Variants in RPS21 observed in about 807,000 individuals in gnomAD.
RPS21 encodes the protein ribosomal protein S21.
Under a neutral mutation model 14.5 loss-of-function variants are expected in RPS21, and 6 were observed. The ratio of observed to expected loss-of-function variants is 0.41; its 90% CI spans 0.23 to 0.82. The LOEUF is 0.82. Among genes scored for constraint, RPS21 ranks in the 40% least tolerant of loss-of-function variants. The pLI is 0.31. For missense variants in RPS21, 85 were observed against 115.0 expected (o/e 0.74, Z 1.19); for synonymous variants, 61 against 42.6 (o/e 1.43, Z -1.69).
intron 4 of RPS21, 34 bp downstream of exon 4, chr20:62,387,948 G>A (rs1406118677): frequency 3.8e-5 from 61 of 1,614,176 alleles, no homozygotes; most frequent in Non-Finnish European, 5.1e-5. Flanking sequence ...TCATCACTTC[G>A]GGACATCGTG....
chr20:62,387,544 C>T (rs1412300520), intron 2 of RPS21, 67 bp from the exon 3 acceptor site: 56 of 1,589,000 alleles, frequency 3.5e-5, no homozygotes, highest in Non-Finnish European at 4.3e-5. Flanking sequence ...TACCCCCAAC[C>T]TCCCTCGTCC....
At chr20:62,387,429 C>A (rs747478691) in intron 2 of RPS21, 41 bp downstream of exon 2, 32 of 1,604,890 alleles carry the variant, frequency 2.0e-5, no homozygotes, top group Non-Finnish European at 2.7e-5. Flanking sequence ...CCTTACCTAA[C>A]CACCACGTCC....
At chr20:62,388,113 C>G in intron 4 of RPS21, 196 bp from the exon 5 acceptor site, 2 of 1,509,436 alleles carry the variant, frequency 1.3e-6, no homozygotes, top group Non-Finnish European at 1.8e-6. Flanking sequence ...CTCTGCCTCT[C>G]ACTAGGAGGT....
In RPS21 at chr20:62,387,375, G is replaced by A; in HGVS notation, c.37G>A (p.Val13Met). The A allele has an allele frequency of 6.2e-7, 1 of 1,608,368 alleles. No homozygotes were observed. The highest frequency in any genetic ancestry group is 8.5e-7 in the Non-Finnish European group (1 of 1,177,642). Reference protein sequence around the residue: ...NDAGEFVDLYVPRKCSASNRI... With the variant: ...NDAGEFVDLYMPRKCSASNRI... The stretch of plus-strand genomic sequence containing the variant: ...CGCCGGCGAGTTCGTGGACCTGTAC[G>A]TGCCGCGGAAATGGTAAGCGCCCCC... The change falls in exon 2 of 6, where the codon GTG becomes ATG. Residue 13 changes from valine (V) to methionine (M), a missense_variant. Coordinates refer to ENST00000343986, the MANE Select transcript of RPS21 (RefSeq NM_001024.4).
At chr20:62,387,699 G>T (rs377707541) in intron 3 of RPS21, 25 bp downstream of exon 3, 8 of 1,614,000 alleles carry the variant, frequency 5.0e-6, no homozygotes, top group Non-Finnish European at 6.8e-6. Context: ...CGGGAGGCGG[G>T]AAGGTTGTGA....
Position 62,387,647 on chromosome 20 carries a change from C to T in RPS21, c.87C>T (p.His29=). Reference sequence around the variant, plus strand: ...ATCGCATCATCGGTGCCAAGGACCACGCATCCATCCAGATGAACGTGGCCG... The same window carrying T: ...ATCGCATCATCGGTGCCAAGGACCATGCATCCATCCAGATGAACGTGGCCG... ...ASNRIIGAKD[H]ASIQMNVAEV... is the part of the protein sequence containing the mutation. Residue 29 remains histidine, a synonymous_variant, in exon 3 of 6, where the codon CAC becomes CAT. Coordinates refer to ENST00000343986, the MANE Select transcript of RPS21 (RefSeq NM_001024.4). The T allele has an allele frequency of 5.0e-6, 8 of 1,614,040 alleles. No homozygotes were observed. The highest frequency in any genetic ancestry group is 5.9e-6 in the Non-Finnish European group (7 of 1,179,978).
chr20:62,388,482 G>A lies in RPS21; in HGVS notation c.*16G>A, dbSNP rs747194934. 6.2e-7 allele frequency: 1 copy of A among 1,612,278 alleles called. No homozygotes were observed. Among genetic ancestry groups the A allele is most frequent in the South Asian group, 1.1e-5 (1 of 91,058 alleles). ...GAACTTTTGACTGGAGAGAATCACA[G>A]ATGTGGAATATTTGTCATAAATAAA... On this transcript the variant is annotated 3_prime_UTR_variant, in exon 6 of 6. Transcript: ENST00000343986.
rs1987823099 is a variant in RPS21 at position 62,388,295 on chromosome 20, T to G, written c.187-14T>G. 1.9e-6 allele frequency: 3 copies of G among 1,584,278 alleles called. No individual in the cohort carries two copies. Among genetic ancestry groups the G allele is most frequent in the Non-Finnish European group, 2.6e-6 (3 of 1,172,584 alleles). ...GTGGAAATATTCTTAGTGTGCTTTTTTTTTTTTCTTAAGGGTGAGTCAGAT... is the reference window on the plus strand; with the variant it reads ...GTGGAAATATTCTTAGTGTGCTTTTGTTTTTTTCTTAAGGGTGAGTCAGAT... On this transcript the variant is annotated splice_polypyrimidine_tract_variant and intron_variant, in intron 4 of 5. Coordinates refer to ENST00000343986, the MANE Select transcript of RPS21 (RefSeq NM_001024.4).
chr20:62,387,598 C>A lies in RPS21; in HGVS notation c.51-13C>A, dbSNP rs548326658. 18 of 1,609,210 alleles carry A rather than the reference C, an allele frequency of 1.1e-5. No homozygotes were observed. Among genetic ancestry groups the A allele is most frequent in the Non-Finnish European group, 1.5e-5 (18 of 1,176,634 alleles). Reference sequence around the variant, plus strand: ...CCCAAGTCCCCTCTGCTCACTGCGCCCTTTCTCCACAGCTCCGCTAGCAAT... The same window carrying A: ...CCCAAGTCCCCTCTGCTCACTGCGCACTTTCTCCACAGCTCCGCTAGCAAT... On this transcript the variant is annotated splice_polypyrimidine_tract_variant and intron_variant, in intron 2 of 5. Coordinates refer to ENST00000343986, the MANE Select transcript of RPS21 (RefSeq NM_001024.4).
chr20:62,387,894 T>G lies in RPS21; in HGVS notation c.166T>G (p.Cys56Gly). 1 of 1,614,218 alleles carries G rather than the reference T, an allele frequency of 6.2e-7. No homozygotes were observed. Among genetic ancestry groups the G allele is most frequent in the South Asian group, 1.1e-5 (1 of 91,084 alleles). Residue 56 changes from cysteine (C) to glycine (G), a missense_variant, in exon 4 of 6, where the codon TGC (cysteine) becomes GGC (glycine). Physicochemically the swap from Cys to Gly is radical, Grantham distance 159. Transcript: ENST00000343986. ...FNGQFKTYAI[C>G]GAIRRMGESD... ...TGGCCAGTTTAAAACTTATGCTATC[T>G]GCGGGGCCATTCGTAGGATGGTGAG...
At chr20:62,387,939 C>G (rs759294101) in intron 4 of RPS21, 25 bp downstream of exon 4, 2 of 1,614,234 alleles carry the variant, frequency 1.2e-6, no homozygotes, top group Non-Finnish European at 1.7e-6. Context: ...GGGCTTTGCT[C>G]ATCACTTCGG....
At chr20:62,388,415 C>G in intron 5 of RPS21, 42 bp from the exon 6 acceptor site, 2 of 1,613,584 alleles carry the variant, frequency 1.2e-6, no homozygotes, top group Non-Finnish European at 1.7e-6. Context: ...AGGACTGCTC[C>G]AGAGGCGTGG....
intron 4 of RPS21, 110 bp from the exon 5 acceptor site, chr20:62,388,199 T>A: frequency 6.9e-7 from 1 of 1,459,742 alleles, no homozygotes; most frequent in Non-Finnish European, 9.2e-7. Flanking sequence ...TGCGCCTGTC[T>A]CCATTCGCTC....
chr20:62,387,166 A>C (rs1987757434), intron 1 of RPS21, 30 bp downstream of exon 1: 1 of 515,430 alleles, frequency 1.9e-6, no homozygotes, highest in Non-Finnish European at 3.3e-6. Flanking sequence ...CTTCGGGCTC[A>C]GGGCTGGGGC....
At position 62,388,209 on chromosome 20, in the gene RPS21, C is replaced by T. The variant is rs559750900; in HGVS notation, c.187-100C>T. 4 of 1,468,714 alleles carry T rather than the reference C, an allele frequency of 2.7e-6. No individual in the cohort carries two copies. In the South Asian group the frequency reaches 3.8e-5, roughly 14 times the overall value. 91.0% of individuals were successfully genotyped at this position (1,468,714 alleles called of 1,614,324 possible). A position where few individuals can be genotyped will look rare whatever the true frequency, so the allele number is the denominator to read the frequency against. On this transcript the variant is annotated intron_variant, in intron 4 of 5. Coordinates refer to ENST00000343986, the MANE Select transcript of RPS21 (RefSeq NM_001024.4). ...CCTTCTGCGCCTGTCTCCATTCGCTCAGCGGGGGAGAGACGTGGGCTGGTG... is the reference window on the plus strand; with the variant it reads ...CCTTCTGCGCCTGTCTCCATTCGCTTAGCGGGGGAGAGACGTGGGCTGGTG...
At chr20:62,388,074 G>GT in intron 4 of RPS21, 160 bp downstream of exon 4, 1 of 1,553,090 alleles carries the variant, frequency 6.4e-7, no homozygotes, top group Non-Finnish European at 8.7e-7. Flanking sequence ...TGGAAGAGGG[G>GT]TGCTCTGAGA....
At chr20:62,387,447 T>G in intron 2 of RPS21, 59 bp downstream of exon 2, 6 of 1,600,806 alleles carry the variant, frequency 3.7e-6, no homozygotes, top group Non-Finnish European at 5.1e-6. Context: ...TCCCCTCGCC[T>G]GCCCTTGTTC....
chr20:62,387,956 G>A (rs1368788551), intron 4 of RPS21, 42 bp downstream of exon 4: 3 of 1,614,214 alleles, frequency 1.9e-6, no homozygotes, highest in East Asian at 2.2e-5. Context: ...TCGGGACATC[G>A]TGGACTTTAC....
rs1987833557 is a variant in RPS21, at chr20:62,388,478, CA to C, written c.*13del. 6.2e-7 allele frequency: 1 copy of C among 1,612,524 alleles called. No individual in the cohort carries two copies. Among genetic ancestry groups the C allele is most frequent in the South Asian group, 1.1e-5 (1 of 91,066 alleles). On this transcript the variant is annotated 3_prime_UTR_variant, in exon 6 of 6. Coordinates refer to ENST00000343986, the MANE Select transcript of RPS21 (RefSeq NM_001024.4). Reference sequence around the variant, plus strand: ...CTAGGAACTTTTGACTGGAGAGAATCACAGATGTGGAATATTTGTCATAAAT... The same window carrying C: ...CTAGGAACTTTTGACTGGAGAGAATCCAGATGTGGAATATTTGTCATAAAT...
Sources: allele counts gnomAD v4.1 joint callset, GRCh38; gene constraint gnomAD v4.1.1; transcripts MANE v1.5; gene names NCBI Gene and HGNC (gene_info 2026-07-23, HGNC 2026-07-21).